The following GRIA2 variants were observed in gnomAD, a reference collection of about 807,000 sequenced individuals.
GRIA2 encodes glutamate ionotropic receptor AMPA type subunit 2.
Under a neutral mutation model 97.3 loss-of-function variants are expected in GRIA2, and 14 were observed. The observed-to-expected ratio is 0.14, with a 90% CI of 0.10 to 0.23. The LOEUF is 0.23. GRIA2 is among the 10% of genes least tolerant of loss of function. GRIA2 has a pLI of 1.00. For missense variants in GRIA2, 558 were observed against 1,069.8 expected (o/e 0.52, Z 6.67); for synonymous variants, 412 against 387.8 (o/e 1.06, Z -0.73).
intron 12 of GRIA2, among the ~76,000 whole-genome samples, chr4:157,355,523 C>A (rs1363821725): frequency 2.0e-5 from 2 of 100,976 alleles, no homozygotes; most frequent in Non-Finnish European, 4.4e-5. Flanking sequence ...AACGAGACTT[C>A]ATGTCAAAAA....
intron 6 of GRIA2, among the ~76,000 whole-genome samples, chr4:157,324,604 G>A (rs971230907): frequency 2.6e-5 from 4 of 152,102 alleles, no homozygotes; most frequent in South Asian, 2.1e-4. Context: ...ACAGAGACTC[G>A]AAGTAAGGCA....
rs180999313 is a variant in GRIA2 at position 157,308,603 on chromosome 4, C to A, written c.470-4076C>A. On this transcript the variant is annotated intron_variant, in intron 3 of 15. Coordinates refer to ENST00000264426, the MANE Select transcript of GRIA2 (RefSeq NM_001083619.3). The stretch of plus-strand genomic sequence containing the variant: ...TCTCTGCTATAGAAATTCAAATATC[C>A]TAATGTAGTACTATGGATATTAGAG... Among the ~76,000 whole-genome samples, 20 of 152,144 alleles carry A rather than the reference C, an allele frequency of 1.3e-4. No homozygotes were observed. The East Asian group carries it at 3.9e-3, about 29-fold the overall frequency.
At chr4:157,232,109 A>G (rs906466387) in intron 2 of GRIA2, among the ~76,000 whole-genome samples, 1 of 152,228 alleles carries the variant, frequency 6.6e-6, no homozygotes, top group Non-Finnish European at 1.5e-5. Flanking sequence ...TATATTTGAA[A>G]ATATTGTCAT....
chr4:157,283,630 C>T (rs1052921966), intron 2 of GRIA2, among the ~76,000 whole-genome samples: 4 of 151,712 alleles, frequency 2.6e-5, no homozygotes, highest in Non-Finnish European at 4.4e-5. Context: ...TGGAAATAAA[C>T]CTTTTAGTGG....
intron 2 of GRIA2, among the ~76,000 whole-genome samples, chr4:157,278,250 A>C (rs1383134232): frequency 6.6e-6 from 1 of 151,916 alleles, no homozygotes; most frequent in Non-Finnish European, 1.5e-5. Flanking sequence ...TAATCAAGAC[A>C]GAGTGATATT....
At chr4:157,246,834 T>C (rs2126729312) in intron 2 of GRIA2, among the ~76,000 whole-genome samples, 1 of 152,270 alleles carries the variant, frequency 6.6e-6, no homozygotes, top group African/African-American at 2.4e-5. Flanking sequence ...GCTTCAAGTG[T>C]CTTAGGAAAC....
intron 6 of GRIA2, among the ~76,000 whole-genome samples, chr4:157,323,399 A>G (rs988204072): frequency 1.4e-5 from 2 of 142,446 alleles, no homozygotes; most frequent in African/African-American, 5.1e-5. Context: ...GGTACTTTTC[A>G]TGTAACGAGG....
At chr4:157,359,288 G>A (rs1736531030) in intron 12 of GRIA2, among the ~76,000 whole-genome samples, 1 of 151,820 alleles carries the variant, frequency 6.6e-6, no homozygotes, top group Non-Finnish European at 1.5e-5. Flanking sequence ...ATAGGATTTT[G>A]GTGTTTAAAT....
intron 2 of GRIA2, among the ~76,000 whole-genome samples, chr4:157,242,894 A>G (rs952934455): frequency 7.9e-5 from 12 of 152,284 alleles, no homozygotes; most frequent in Non-Finnish European, 1.3e-4. Context: ...TCTAACATAC[A>G]TATTTTCTCA....
At chr4:157,301,307 C>T (rs1733605010) in intron 2 of GRIA2, among the ~76,000 whole-genome samples, 1 of 152,112 alleles carries the variant, frequency 6.6e-6, no homozygotes, top group Non-Finnish European at 1.5e-5. Flanking sequence ...ACATAGTTAT[C>T]AAATACACTA....
At chr4:157,277,821 T>TAATAAA (rs1286376805) in intron 2 of GRIA2, among the ~76,000 whole-genome samples, 3 of 145,682 alleles carry the variant, frequency 2.1e-5, no homozygotes, top group East Asian at 3.9e-4. Flanking sequence ...ATGCTATATA[T>TAATAAA]ATATGTATAT....
intron 5 of GRIA2, among the ~76,000 whole-genome samples, chr4:157,319,776 A>G (rs1419327747): frequency 6.6e-6 from 1 of 152,144 alleles, no homozygotes; most frequent in East Asian, 1.9e-4. Context: ...TTATTGATTA[A>G]TTTCCTTAGG....
intron 2 of GRIA2, among the ~76,000 whole-genome samples, chr4:157,296,582 G>T (rs1009278197): frequency 6.6e-6 from 1 of 152,108 alleles, no homozygotes; most frequent in Non-Finnish European, 1.5e-5. Context: ...GAATTCTCAT[G>T]AGATAGACAG....
chr4:157,300,251 T>C (rs1219270557), intron 2 of GRIA2, among the ~76,000 whole-genome samples: 1 of 152,148 alleles, frequency 6.6e-6, no homozygotes, highest in Non-Finnish European at 1.5e-5. Context: ...CTAATATTCT[T>C]GTGAAAGGTG....
intron 2 of GRIA2, among the ~76,000 whole-genome samples, chr4:157,274,422 T>G (rs1381635603): frequency 2.0e-5 from 3 of 151,912 alleles, no homozygotes; most frequent in Non-Finnish European, 4.4e-5. Flanking sequence ...AATGTGCAGG[T>G]TTGTTACATA....
chr4:157,363,139 G>A, intron 15 of GRIA2, 92 bp downstream of exon 15: 2 of 1,270,750 alleles, frequency 1.6e-6, no homozygotes, highest in Non-Finnish European at 2.2e-6. Flanking sequence ...GGTGGCCAAT[G>A]GATCATCCTG....
At chr4:157,299,815 C>T (rs1733533811) in intron 2 of GRIA2, among the ~76,000 whole-genome samples, 1 of 152,156 alleles carries the variant, frequency 6.6e-6, no homozygotes, top group Non-Finnish European at 1.5e-5. Context: ...TTACAGAACT[C>T]AGTGAGAGCA....
intron 2 of GRIA2, among the ~76,000 whole-genome samples, chr4:157,240,191 G>A (rs905803945): frequency 2.0e-5 from 3 of 152,116 alleles, no homozygotes; most frequent in African/African-American, 7.2e-5. Flanking sequence ...GCATGGGTGT[G>A]TGTGCATAAT....
chr4:157,298,735 C>G (rs946071984), intron 2 of GRIA2, among the ~76,000 whole-genome samples: 3 of 143,360 alleles, frequency 2.1e-5, no homozygotes, highest in Admixed American at 7.4e-5. Context: ...CGTTTTTTTC[C>G]TGAATCAGCT....
Sources: gnomAD v4.1 joint callset for allele counts (sites outside exome capture counted in the v4.1 genomes callset) on GRCh38, gnomAD v4.1.1 for gene constraint, MANE v1.5 for transcripts, NCBI Gene and HGNC (gene_info 2026-07-23, HGNC 2026-07-21) for gene names.